TENM3: variants seen among roughly 807,000 people sequenced by gnomAD.
TENM3 encodes the protein teneurin transmembrane protein 3.
Under a neutral mutation model 255.1 loss-of-function variants are expected in TENM3, and 63 were observed. The observed-to-expected ratio is 0.25, with a 90% CI of 0.20 to 0.30. TENM3 has a LOEUF of 0.30. TENM3 is among the 10% of genes least tolerant of loss of function. The probability of loss-of-function intolerance (pLI) is 1.00; values close to 1 mark genes in which losing one functional copy is unlikely to be tolerated. For missense variants in TENM3, 2,929 were observed against 3,461.1 expected (o/e 0.85, Z 3.86); for synonymous variants, 1,306 against 1,322.3 (o/e 0.99, Z 0.27).
intron 1 of TENM3, among the ~76,000 whole-genome samples, chr4:182,145,905 G>A (rs1749931361): frequency 6.6e-6 from 1 of 152,160 alleles, no homozygotes; most frequent in Non-Finnish European, 1.5e-5. Context: ...CATATGTTGA[G>A]GCATTACCTT....
chr4:181,971,436 A>C, the TENM3 span, among the ~76,000 whole-genome samples: 1 of 152,198 alleles, frequency 6.6e-6, no homozygotes, highest in Non-Finnish European at 1.5e-5. Flanking sequence ...GGTGCAGCCA[A>C]ATCTAGAAAA....
At chr4:182,202,299 CTTT>C (rs773698031) in intron 1 of TENM3, among the ~76,000 whole-genome samples, 3 of 100,622 alleles carry the variant, frequency 3.0e-5, no homozygotes, top group Admixed American at 2.1e-4. Flanking sequence ...GTGCACTGCA[CTTT>C]TTTTTTTTTT....
At chr4:181,930,671 C>G in the TENM3 span, among the ~76,000 whole-genome samples, 1 of 152,108 alleles carries the variant, frequency 6.6e-6, no homozygotes, top group Non-Finnish European at 1.5e-5. Context: ...ATTTTAGAGG[C>G]CAGCATCATC....
chr4:181,692,053 T>C, the TENM3 span, among the ~76,000 whole-genome samples: 1 of 152,186 alleles, frequency 6.6e-6, no homozygotes, highest in Non-Finnish European at 1.5e-5. Flanking sequence ...TTTAGGCTTA[T>C]TGAATTTTGA....
chr4:182,780,047 C>T (rs1203523502), intron 24 of TENM3, among the ~76,000 whole-genome samples: 74 of 151,434 alleles, frequency 4.9e-4, no homozygotes, highest in Admixed American at 4.9e-3. Flanking sequence ...TGTGCAGAAG[C>T]TCTTTAGTTT....
chr4:182,695,198 TG>T, intron 12 of TENM3, among the ~76,000 whole-genome samples: 1 of 152,124 alleles, frequency 6.6e-6, no homozygotes, highest in Non-Finnish European at 1.5e-5. Flanking sequence ...TGGTTGGTAG[TG>T]GTGATGAAAG....
chr4:182,693,596 T>G (rs531535307), intron 12 of TENM3, among the ~76,000 whole-genome samples: 35 of 152,226 alleles, frequency 2.3e-4, no homozygotes, highest in African/African-American at 8.2e-4. Flanking sequence ...CGCCCGTCCT[T>G]TAGCTTTTAT....
chr4:181,727,117 T>C, the TENM3 span, among the ~76,000 whole-genome samples: 3,673 of 152,246 alleles, frequency 0.024, 158 homozygotes, highest in African/African-American at 0.08. Context: ...ATAGGCAAGA[T>C]TGATTAAACC....
the TENM3 span, among the ~76,000 whole-genome samples, chr4:181,473,380 G>C: frequency 6.6e-6 from 1 of 152,052 alleles, no homozygotes; most frequent in Non-Finnish European, 1.5e-5. Flanking sequence ...TTGAGCCCAG[G>C]AGTTTGAGAC....
At chr4:181,892,445 A>G in the TENM3 span, among the ~76,000 whole-genome samples, 1 of 152,150 alleles carries the variant, frequency 6.6e-6, no homozygotes, top group Non-Finnish European at 1.5e-5. Context: ...AGTAATTTTC[A>G]CCATGTATTC....
the TENM3 span, among the ~76,000 whole-genome samples, chr4:181,998,962 A>G: frequency 6.6e-6 from 1 of 152,200 alleles, no homozygotes; most frequent in Non-Finnish European, 1.5e-5. Context: ...GGTCAAAATA[A>G]AACATCATTC....
intron 3 of TENM3, among the ~76,000 whole-genome samples, chr4:182,544,219 A>C (rs1488134793): frequency 6.6e-6 from 1 of 150,822 alleles, no homozygotes; most frequent in Admixed American, 6.6e-5. Context: ...GCCCTACCCT[A>C]TTCTGTGTTT....
chr4:181,630,601 G>A, the TENM3 span, among the ~76,000 whole-genome samples: 3 of 152,280 alleles, frequency 2.0e-5, no homozygotes, highest in South Asian at 6.2e-4. Flanking sequence ...TATGTACCCA[G>A]TAGTCATTCA....
At chr4:181,704,466 T>C in the TENM3 span, among the ~76,000 whole-genome samples, 1 of 152,206 alleles carries the variant, frequency 6.6e-6, no homozygotes, top group African/African-American at 2.4e-5. Context: ...CTCACCAGTA[T>C]GTCATCTCTT....
At chr4:182,147,689 A>G (rs1261722536) in intron 1 of TENM3, among the ~76,000 whole-genome samples, 1 of 152,106 alleles carries the variant, frequency 6.6e-6, no homozygotes, top group Admixed American at 6.6e-5. Flanking sequence ...TTTTTTACTT[A>G]GGTTGAGAAT....
chr4:181,782,050 T>A, the TENM3 span, among the ~76,000 whole-genome samples: 1 of 152,200 alleles, frequency 6.6e-6, no homozygotes, highest in Admixed American at 6.5e-5. Context: ...TTTGCATCGA[T>A]GTTCATCAGG....
At chr4:182,012,094 G>T in the TENM3 span, among the ~76,000 whole-genome samples, 1 of 152,118 alleles carries the variant, frequency 6.6e-6, no homozygotes. Flanking sequence ...AGCCAATTAA[G>T]GCCCCAGAGA....
At chr4:182,560,100 A>C (rs1386302882) in intron 3 of TENM3, among the ~76,000 whole-genome samples, 2 of 151,634 alleles carry the variant, frequency 1.3e-5, no homozygotes, top group Non-Finnish European at 2.9e-5. Context: ...TTTTTTAAAA[A>C]AAGAGTAACT....
At chr4:182,782,423 T>A (rs1207765010) in intron 24 of TENM3, among the ~76,000 whole-genome samples, 2 of 121,650 alleles carry the variant, frequency 1.6e-5, no homozygotes, top group East Asian at 4.6e-4. Flanking sequence ...TGAGAGATAG[T>A]TTGTTATAAT....
Sources: gnomAD v4.1 joint callset for allele counts (sites outside exome capture counted in the v4.1 genomes callset) on GRCh38, gnomAD v4.1.1 for gene constraint, MANE v1.5 for transcripts, NCBI Gene and HGNC (gene_info 2026-07-23, HGNC 2026-07-21) for gene names.